Variants in GRIP1 observed in about 807,000 individuals in gnomAD.
The protein encoded by GRIP1 is glutamate receptor-interacting protein 1.
Under a neutral mutation model 129.9 loss-of-function variants are expected in GRIP1, and 45 were observed. The observed-to-expected ratio is 0.35, with a 90% CI of 0.27 to 0.44. The LOEUF (loss-of-function observed/expected upper bound fraction) is 0.44, where lower values mean the gene tolerates loss of function less well. Ranked by LOEUF, GRIP1 falls within the 20% of genes least tolerant of loss-of-function variation. The pLI, the probability that GRIP1 is intolerant of heterozygous loss-of-function variation, is 1.00. For synonymous variants in GRIP1, 530 were observed against 520.8 expected, an observed-to-expected ratio of 1.02 and a Z score of -0.24; for missense variants, 1,196 against 1,396.8, an observed-to-expected ratio of 0.86 and a Z score of 2.29.
intron 7 of GRIP1, among the ~76,000 whole-genome samples, chr12:66,503,818 T>C (rs1430085071): frequency 6.6e-6 from 1 of 152,160 alleles, no homozygotes; most frequent in Non-Finnish European, 1.5e-5. Flanking sequence ...AGACTGGGAC[T>C]CTGCCAGAAA....
At chr12:66,468,984 C>T (rs2059364638) in intron 7 of GRIP1, among the ~76,000 whole-genome samples, 1 of 152,084 alleles carries the variant, frequency 6.6e-6, no homozygotes, top group African/African-American at 2.4e-5. Context: ...TGTAATATTT[C>T]CATTTGGGGG....
chr12:67,039,559 G>C (rs566019149), intron 1 of GRIP1, among the ~76,000 whole-genome samples: 1 of 152,178 alleles, frequency 6.6e-6, no homozygotes, highest in South Asian at 2.1e-4. Flanking sequence ...AGTCAATTAA[G>C]GCCAAAAGCT....
At chr12:66,807,231 C>T (rs1404729963), upstream of GRIP1, among the ~76,000 whole-genome samples, 1 of 152,132 alleles carries the variant, frequency 6.6e-6, no homozygotes, top group Admixed American at 6.5e-5. Flanking sequence ...AATCTCATGT[C>T]AAACTGTAAT....
intron 7 of GRIP1, among the ~76,000 whole-genome samples, chr12:66,513,252 A>G (rs1016895870): frequency 6.6e-6 from 1 of 152,160 alleles, no homozygotes; most frequent in Non-Finnish European, 1.5e-5. Context: ...GATATTGGGT[A>G]GAACAATATT....
intron 5 of GRIP1, among the ~76,000 whole-genome samples, chr12:66,525,694 G>T (rs979114882): frequency 2.0e-5 from 3 of 152,016 alleles, no homozygotes; most frequent in African/African-American, 7.3e-5. Flanking sequence ...AATTAGGCAG[G>T]AGAAGGAAAT....
intron 1 of GRIP1, among the ~76,000 whole-genome samples, chr12:66,998,212 A>G (rs1217343803): frequency 2.0e-5 from 3 of 152,188 alleles, no homozygotes; most frequent in Admixed American, 2.0e-4. Context: ...GCATGTGGCT[A>G]CTGGTGACTG....
intron 9 of GRIP1, among the ~76,000 whole-genome samples, chr12:66,461,347 G>A (rs1252395380): frequency 1.3e-5 from 2 of 152,226 alleles, no homozygotes; most frequent in African/African-American, 4.8e-5. Context: ...GCACTACACA[G>A]TGTACATTCT....
chr12:66,444,261 T>C (rs1030333460), intron 13 of GRIP1, among the ~76,000 whole-genome samples: 1 of 148,008 alleles, frequency 6.8e-6, no homozygotes, highest in East Asian at 2.0e-4. Context: ...CCGAGGCGGG[T>C]GGATCATGAG....
chr12:67,022,511 T>C (rs1471601801), intron 1 of GRIP1, among the ~76,000 whole-genome samples: 1 of 152,174 alleles, frequency 6.6e-6, no homozygotes, highest in African/African-American at 2.4e-5. Flanking sequence ...GAAACTACTA[T>C]GTTGTTTTCC....
intron 1 of GRIP1, among the ~76,000 whole-genome samples, chr12:66,968,510 C>A (rs2042028535): frequency 6.6e-6 from 1 of 152,042 alleles, no homozygotes; most frequent in Non-Finnish European, 1.5e-5. Context: ...CTCTGAGCAT[C>A]TCAATTATAT....
intron 1 of GRIP1, among the ~76,000 whole-genome samples, chr12:67,029,261 T>C (rs2042984842): frequency 6.6e-6 from 1 of 152,116 alleles, no homozygotes; most frequent in Non-Finnish European, 1.5e-5. Context: ...TAGCTAATTT[T>C]TTGGAGTCAT....
chr12:66,712,138 T>C (rs1288222070), intron 1 of GRIP1, among the ~76,000 whole-genome samples: 2 of 151,978 alleles, frequency 1.3e-5, no homozygotes, highest in Non-Finnish European at 2.9e-5. Flanking sequence ...AAATGCATTG[T>C]TTCCAAGAAG....
At chr12:66,382,726 T>C (rs2056171556) in intron 19 of GRIP1, among the ~76,000 whole-genome samples, 1 of 152,184 alleles carries the variant, frequency 6.6e-6, no homozygotes, top group Non-Finnish European at 1.5e-5. Flanking sequence ...AGATACTATA[T>C]ATCAGGAACT....
intron 1 of GRIP1, among the ~76,000 whole-genome samples, chr12:66,792,127 G>A (rs1453781645): frequency 1.3e-5 from 2 of 152,120 alleles, no homozygotes; most frequent in African/African-American, 2.4e-5. Flanking sequence ...TACCAAATAC[G>A]CTTAACAAAG....
At chr12:66,787,142 C>G (rs969015368) in intron 1 of GRIP1, among the ~76,000 whole-genome samples, 13 of 152,148 alleles carry the variant, frequency 8.5e-5, no homozygotes, top group Non-Finnish European at 1.8e-4. Flanking sequence ...TCTGTGCACA[C>G]ACATCTGTGT....
At chr12:66,470,341 C>A (rs767732769) in intron 7 of GRIP1, among the ~76,000 whole-genome samples, 1 of 152,144 alleles carries the variant, frequency 6.6e-6, no homozygotes, top group African/African-American at 2.4e-5. Context: ...CTATTTTAGT[C>A]ATTCAAAATG....
rs957995149 is a variant in GRIP1, at chr12:66,362,985, C to T, written c.3012+8709G>A. 5.9e-5 allele frequency among the ~76,000 whole-genome samples: 9 copies of T among 151,352 alleles called. 1 individual carries two copies. The highest frequency in any genetic ancestry group is 2.2e-4 in the African/African-American group (9 of 40,798). ...TCATTTCTCCCCTCAGAAAAGATAA[C>T]CTCAAAGGCTTTGATTTTATTTCCC... On this transcript the variant is annotated intron_variant, in intron 23 of 24. Coordinates refer to ENST00000359742, the MANE Select transcript of GRIP1 (RefSeq NM_001366722.1).
At chr12:66,377,494 A>ATTATT (rs990242907) in intron 20 of GRIP1, among the ~76,000 whole-genome samples, 4 of 134,336 alleles carry the variant, frequency 3.0e-5, no homozygotes, top group African/African-American at 1.1e-4. Context: ...CGCCTGGCTA[A>ATTATT]TTTTTTTTTT....
At chr12:66,939,206 C>T (rs1207780059) in intron 1 of GRIP1, among the ~76,000 whole-genome samples, 1 of 152,062 alleles carries the variant, frequency 6.6e-6, no homozygotes, top group Non-Finnish European at 1.5e-5. Context: ...AGTTAATTGG[C>T]TGGGCATGGT....
Sources: allele counts gnomAD v4.1 joint callset (sites outside exome capture counted in the v4.1 genomes callset), GRCh38; gene constraint gnomAD v4.1.1; transcripts MANE v1.5; gene names NCBI Gene and HGNC (gene_info 2026-07-23, HGNC 2026-07-21).